Variants in TRPC4AP observed in about 807,000 individuals in gnomAD.
The protein encoded by TRPC4AP is short transient receptor potential channel 4-associated protein.
In TRPC4AP, 45 loss-of-function variants were observed where a neutral mutation model predicts 99.0. The observed-to-expected ratio is 0.45, with a 90% CI of 0.36 to 0.58. The LOEUF is 0.58. Among genes scored for constraint, TRPC4AP ranks in the 20% least tolerant of loss-of-function variants. TRPC4AP has a pLI of 0.00. For synonymous variants in TRPC4AP, 408 were observed against 385.8 expected (o/e 1.06, Z -0.67); for missense variants, 879 against 985.3 (o/e 0.89, Z 1.44).
chr20:35,074,857 G>A (rs2084428954), intron 2 of TRPC4AP, among the ~76,000 whole-genome samples: 1 of 152,194 alleles, frequency 6.6e-6, no homozygotes, highest in Non-Finnish European at 1.5e-5. Flanking sequence ...TCTGTCTAAT[G>A]TTGACAGTGG....
At chr20:35,074,097 T>C (rs1007250972) in intron 2 of TRPC4AP, among the ~76,000 whole-genome samples, 1 of 152,242 alleles carries the variant, frequency 6.6e-6, no homozygotes, top group African/African-American at 2.4e-5. Context: ...GTAGTTTGTA[T>C]TTCTGTGGGA....
intron 8 of TRPC4AP, among the ~76,000 whole-genome samples, chr20:35,021,932 T>C (rs2082899841): frequency 6.6e-6 from 1 of 152,224 alleles, no homozygotes; most frequent in Admixed American, 6.5e-5. Context: ...CAGGCAGATT[T>C]TCATTTTACC....
intron 2 of TRPC4AP, among the ~76,000 whole-genome samples, chr20:35,070,709 A>T (rs2084287647): frequency 6.6e-6 from 1 of 152,138 alleles, no homozygotes; most frequent in African/African-American, 2.4e-5. Flanking sequence ...AACCTATGTT[A>T]TTTCTTCCCT....
intron 17 of TRPC4AP, 57 bp from the exon 18 acceptor site, chr20:35,003,673 G>C: frequency 1.3e-6 from 2 of 1,551,986 alleles, no homozygotes; most frequent in Middle Eastern, 2.0e-4. Context: ...GTGGCCCCTG[G>C]TGAACCTGGG....
rs569871444 is a variant in TRPC4AP at position 35,051,913 on chromosome 20, C to T, written c.529-1919G>A. Among the ~76,000 whole-genome samples, 32 of 152,288 alleles carry T rather than the reference C, an allele frequency of 2.1e-4. 1 individual carries two copies. In the South Asian group the frequency reaches 6.6e-3, roughly 32 times the overall value. On this transcript the variant is annotated intron_variant, in intron 5 of 18. Coordinates refer to ENST00000252015, the MANE Select transcript of TRPC4AP (RefSeq NM_015638.3). The stretch of plus-strand genomic sequence containing the variant: ...TTACAGACTGACTAAAATGACTCCT[C>T]TTGGAAAACCTTCCCAAGTCAACAG...
intron 4 of TRPC4AP, among the ~76,000 whole-genome samples, chr20:35,056,061 C>T (rs934097090): frequency 1.3e-5 from 2 of 152,148 alleles, no homozygotes; most frequent in Non-Finnish European, 2.9e-5. Flanking sequence ...TTCTCAGATC[C>T]CAATGGGCAG....
intron 16 of TRPC4AP, among the ~76,000 whole-genome samples, chr20:35,005,084 A>C (rs1041657657): frequency 3.3e-5 from 5 of 152,220 alleles, no homozygotes; most frequent in African/African-American, 1.2e-4. Flanking sequence ...GAGGCAGGGC[A>C]ATAACCGAAG....
At chr20:35,019,659 AG>A (rs2082839733) in intron 9 of TRPC4AP, among the ~76,000 whole-genome samples, 1 of 152,220 alleles carries the variant, frequency 6.6e-6, no homozygotes, top group South Asian at 2.1e-4. Flanking sequence ...TTCACATATA[AG>A]CAACTGCGAA....
intron 8 of TRPC4AP, among the ~76,000 whole-genome samples, chr20:35,031,411 T>G (rs1158485045): frequency 8.0e-5 from 10 of 124,484 alleles, no homozygotes; most frequent in Non-Finnish European, 1.8e-4. Flanking sequence ...TTTTTTTTTT[T>G]TTTTCAAAGA....
At chr20:35,055,869 T>G (rs773091038) in intron 4 of TRPC4AP, among the ~76,000 whole-genome samples, 1 of 152,230 alleles carries the variant, frequency 6.6e-6, no homozygotes, top group Non-Finnish European at 1.5e-5. Flanking sequence ...ACTACTTCCC[T>G]GTGAGCAGGA....
At chr20:35,050,288 A>G (rs2083663215) in intron 5 of TRPC4AP, among the ~76,000 whole-genome samples, 1 of 152,220 alleles carries the variant, frequency 6.6e-6, no homozygotes, top group African/African-American at 2.4e-5. Context: ...GCCATTCTTA[A>G]ATCTGAAATC....
At chr20:35,041,819 T>C (rs2083451495) in intron 7 of TRPC4AP, among the ~76,000 whole-genome samples, 1 of 152,206 alleles carries the variant, frequency 6.6e-6, no homozygotes, top group Admixed American at 6.5e-5. Context: ...TAGCCCTCAG[T>C]TTCCTCACAT....
intron 11 of TRPC4AP, among the ~76,000 whole-genome samples, chr20:35,012,240 G>C (rs765995798): frequency 6.6e-6 from 1 of 152,248 alleles, no homozygotes; most frequent in Non-Finnish European, 1.5e-5. Context: ...CTGTCTCCAG[G>C]CATGTTCTGT....
intron 7 of TRPC4AP, among the ~76,000 whole-genome samples, chr20:35,039,865 CA>C (rs1265245490): frequency 6.6e-6 from 1 of 151,250 alleles, no homozygotes; most frequent in Non-Finnish European, 1.5e-5. Context: ...AAATGAATCT[CA>C]AAAAATAATG....
chr20:35,039,223 G>A (rs1404313928), intron 7 of TRPC4AP, among the ~76,000 whole-genome samples: 2 of 152,214 alleles, frequency 1.3e-5, no homozygotes, highest in Admixed American at 6.5e-5. Context: ...AGGACAGCAT[G>A]TAGGAGCTAG....
At chr20:35,059,274 G>C (rs2083917894) in intron 3 of TRPC4AP, among the ~76,000 whole-genome samples, 1 of 152,052 alleles carries the variant, frequency 6.6e-6, no homozygotes. Flanking sequence ...TGATTATAAG[G>C]AACTACTATG....
intron 17 of TRPC4AP, 77 bp from the exon 18 acceptor site, chr20:35,003,693 G>A (rs2082448694): frequency 6.7e-7 from 1 of 1,497,442 alleles, no homozygotes; most frequent in East Asian, 2.4e-5. Flanking sequence ...GTAGCCATCA[G>A]GCAGGGAGGA....
chr20:35,003,877 G>C (rs954970327), intron 17 of TRPC4AP, among the ~76,000 whole-genome samples: 1 of 152,188 alleles, frequency 6.6e-6, no homozygotes, highest in Non-Finnish European at 1.5e-5. Context: ...CCAGACCTGG[G>C]CTCAAGCATC....
chr20:35,085,199 G>GT lies in TRPC4AP; in HGVS notation c.169-7026dup, dbSNP rs1183156769. Among the ~76,000 whole-genome samples, 4 of 152,280 alleles carry GT rather than the reference G, an allele frequency of 2.6e-5. No individual in the cohort carries two copies. The South Asian group carries it at 8.3e-4, about 32-fold the overall frequency. On this transcript the variant is annotated intron_variant, in intron 1 of 18. Coordinates refer to ENST00000252015, the MANE Select transcript of TRPC4AP (RefSeq NM_015638.3). Reference sequence around the variant, plus strand: ...GGTGCAAAGCAGGCAGGGCACTGCTGTTTTTTTGTTACAAGCTCCATGATA... The same window carrying GT: ...GGTGCAAAGCAGGCAGGGCACTGCTGTTTTTTTTGTTACAAGCTCCATGATA...
Sources: gnomAD v4.1 joint callset for allele counts (sites outside exome capture counted in the v4.1 genomes callset) on GRCh38, gnomAD v4.1.1 for gene constraint, MANE v1.5 for transcripts, NCBI Gene and HGNC (gene_info 2026-07-23, HGNC 2026-07-21) for gene names.